Variants in EPS15 observed in about 807,000 individuals in gnomAD.
EPS15 encodes the protein epidermal growth factor receptor substrate 15.
Under a neutral mutation model 113.8 loss-of-function variants are expected in EPS15, and 72 were observed. The ratio of observed to expected loss-of-function variants is 0.63; its 90% CI spans 0.52 to 0.77. The LOEUF (loss-of-function observed/expected upper bound fraction) is 0.77. Among genes scored for constraint, EPS15 ranks in the 30% least tolerant of loss-of-function variants. The probability of loss-of-function intolerance (pLI) is 0.00; values close to 1 mark genes in which losing one functional copy is unlikely to be tolerated. For missense variants in EPS15, 1,048 were observed against 1,045.8 expected, an observed-to-expected ratio of 1.00 and a Z score of -0.03; for synonymous variants, 344 against 363.4, an observed-to-expected ratio of 0.95 and a Z score of 0.61.
At chr1:51,474,878 G>C (rs1034430606) in intron 2 of EPS15, among the ~76,000 whole-genome samples, 18 of 126,908 alleles carry the variant, frequency 1.4e-4, no homozygotes, top group Admixed American at 5.3e-4. Context: ...TCCCCACCCT[G>C]TGTCCAAGTG....
intron 24 of EPS15, among the ~76,000 whole-genome samples, chr1:51,358,423 G>A (rs1015667164): frequency 1.3e-5 from 2 of 152,130 alleles, no homozygotes; most frequent in African/African-American, 2.4e-5. Flanking sequence ...CAGCAACCTT[G>A]GCAAATACTA....
intron 21 of EPS15, 51 bp downstream of exon 21, chr1:51,394,320 GAAAAAAGAAT>G (rs1326918128): frequency 1.8e-5 from 19 of 1,066,666 alleles, no homozygotes; most frequent in Non-Finnish European, 2.6e-5. Flanking sequence ...TAGAGACAAA[GAAAAAAGAAT>G]CTTAAAAAAA....
intron 1 of EPS15, among the ~76,000 whole-genome samples, chr1:51,496,503 C>T (rs1644325677): frequency 6.6e-6 from 1 of 152,100 alleles, no homozygotes; most frequent in African/African-American, 2.4e-5. Context: ...ACTTTTTATT[C>T]ACCTACAATT....
intron 8 of EPS15, 82 bp from the exon 9 acceptor site, chr1:51,448,217 A>G: frequency 1.3e-6 from 1 of 773,920 alleles, no homozygotes; most frequent in Non-Finnish European, 2.0e-6. Context: ...TCAATGATAA[A>G]TCATCGTCAG....
At chr1:51,482,637 T>C (rs1264027043) in intron 1 of EPS15, among the ~76,000 whole-genome samples, 1 of 152,098 alleles carries the variant, frequency 6.6e-6, no homozygotes, top group Non-Finnish European at 1.5e-5. Flanking sequence ...GGCTAATTTT[T>C]GTATTTTTAG....
intron 1 of EPS15, among the ~76,000 whole-genome samples, chr1:51,500,407 T>A (rs1374181977): frequency 6.6e-6 from 1 of 152,236 alleles, no homozygotes; most frequent in Non-Finnish European, 1.5e-5. Flanking sequence ...TGCACAATTT[T>A]ATAATCTCAT....
intron 13 of EPS15, among the ~76,000 whole-genome samples, chr1:51,421,340 A>G (rs984453400): frequency 1.3e-5 from 2 of 152,114 alleles, no homozygotes; most frequent in Non-Finnish European, 2.9e-5. Flanking sequence ...AAGTATTATG[A>G]GAAACAGTCC....
At chr1:51,452,486 G>A (rs934416140) in intron 8 of EPS15, among the ~76,000 whole-genome samples, 8 of 151,858 alleles carry the variant, frequency 5.3e-5, no homozygotes, top group African/African-American at 1.5e-4. Context: ...GTCTCACTAC[G>A]TTGCTCAGGT....
intron 1 of EPS15, among the ~76,000 whole-genome samples, chr1:51,488,490 A>AC (rs1644168210): frequency 6.7e-6 from 1 of 150,258 alleles, no homozygotes; most frequent in Non-Finnish European, 1.5e-5. Flanking sequence ...AAAAAAAAAA[A>AC]AAAAAACTCA....
chr1:51,495,585 CTAAA>C (rs2148543620), intron 1 of EPS15, among the ~76,000 whole-genome samples: 1 of 151,958 alleles, frequency 6.6e-6, no homozygotes, highest in Non-Finnish European at 1.5e-5. Context: ...ACACCATTTC[CTAAA>C]TAAATCAATT....
chr1:51,500,447 A>G (rs1644392477), intron 1 of EPS15, among the ~76,000 whole-genome samples: 1 of 152,058 alleles, frequency 6.6e-6, no homozygotes, highest in Non-Finnish European at 1.5e-5. Context: ...GTCTTCATCA[A>G]TATTTGCTAG....
At chr1:51,433,573 T>G (rs1428292363) in intron 12 of EPS15, among the ~76,000 whole-genome samples, 1 of 152,224 alleles carries the variant, frequency 6.6e-6, no homozygotes, top group Non-Finnish European at 1.5e-5. Flanking sequence ...GAGTGCTCTC[T>G]GAGCTGAGGT....
At chr1:51,435,277 T>G (rs1402224095) in intron 12 of EPS15, among the ~76,000 whole-genome samples, 5 of 152,080 alleles carry the variant, frequency 3.3e-5, no homozygotes, top group African/African-American at 9.7e-5. Flanking sequence ...CACTGCAACT[T>G]CTGCCACCCA....
At chr1:51,467,772 A>T (rs1654950542) in intron 5 of EPS15, among the ~76,000 whole-genome samples, 1 of 152,130 alleles carries the variant, frequency 6.6e-6, no homozygotes, top group Admixed American at 6.5e-5. Context: ...TGAGGGATCT[A>T]GGTTGCATGC....
intron 12 of EPS15, among the ~76,000 whole-genome samples, chr1:51,439,743 T>C (rs1652436986): frequency 6.6e-6 from 1 of 151,842 alleles, no homozygotes; most frequent in Non-Finnish European, 1.5e-5. Flanking sequence ...TGGGATCAGG[T>C]ATCAGCTCTG....
chr1:51,445,097 T>A, intron 10 of EPS15, 52 bp from the exon 11 acceptor site: 1 of 1,531,600 alleles, frequency 6.5e-7, no homozygotes, highest in Non-Finnish European at 8.8e-7. Context: ...CTGCAAAAAG[T>A]CCAGAGAAAA....
At chr1:51,371,694 T>C (rs1274830431) in intron 21 of EPS15, among the ~76,000 whole-genome samples, 1 of 152,154 alleles carries the variant, frequency 6.6e-6, no homozygotes, top group Non-Finnish European at 1.5e-5. Flanking sequence ...AATTTATTAT[T>C]GAAGAAAAAT....
At chr1:51,417,786 A>G (rs573439904) in intron 13 of EPS15, among the ~76,000 whole-genome samples, 39 of 152,220 alleles carry the variant, frequency 2.6e-4, no homozygotes, top group Non-Finnish European at 2.1e-4. Flanking sequence ...AAAAGTTATA[A>G]AAGTGGGAAT....
At chr1:51,373,960 A>G (rs1213128659) in intron 21 of EPS15, among the ~76,000 whole-genome samples, 1 of 152,194 alleles carries the variant, frequency 6.6e-6, no homozygotes, top group Non-Finnish European at 1.5e-5. Context: ...TCCAAAAAAA[A>G]TTAAGTGAAC....
Sources: gnomAD v4.1 joint callset for allele counts (sites outside exome capture counted in the v4.1 genomes callset) on GRCh38, gnomAD v4.1.1 for gene constraint, MANE v1.5 for transcripts, NCBI Gene and HGNC (gene_info 2026-07-23, HGNC 2026-07-21) for gene names.